The following TP53BP1 variants were observed in gnomAD, a reference collection of about 807,000 sequenced individuals.
TP53BP1 encodes TP53-binding protein 1.
A neutral mutation model predicts 200.8 loss-of-function variants in TP53BP1; 61 were observed. The observed-to-expected ratio is 0.30, with a 90% CI of 0.25 to 0.38. TP53BP1 has a LOEUF of 0.38. Ranked by LOEUF, TP53BP1 falls within the 10% of genes least tolerant of loss-of-function variation. The pLI, the probability that TP53BP1 is intolerant of heterozygous loss-of-function variation, is 1.00. For synonymous variants in TP53BP1, 822 were observed against 844.3 expected (o/e 0.97, Z 0.46); for missense variants, 2,144 against 2,371.9 (o/e 0.90, Z 2.00).
At chr15:43,483,002 A>C (rs2078996220) in intron 4 of TP53BP1, among the ~76,000 whole-genome samples, 1 of 152,196 alleles carries the variant, frequency 6.6e-6, no homozygotes, top group Non-Finnish European at 1.5e-5. Flanking sequence ...CTATCAACCA[A>C]CCAATCAATA....
rs1045644474 is a variant in TP53BP1 at position 43,405,517 on chromosome 15, G to C, written c.*1866C>G. 8 of 418,864 alleles carry C rather than the reference G, an allele frequency of 1.9e-5. No individual in the cohort carries two copies. Among genetic ancestry groups the C allele is most frequent in the Non-Finnish European group, 3.0e-5 (7 of 232,498 alleles). 25.9% of individuals were successfully genotyped at this position (418,864 alleles called of 1,614,324 possible). A position where few individuals can be genotyped will look rare whatever the true frequency, so the allele number is the denominator to read the frequency against. The stretch of plus-strand genomic sequence containing the variant: ...TATTGAGCACCTACTACGTACCTTG[G>C]TACTGTTCAAGCTGTGGGAGATACA... On this transcript the variant is annotated 3_prime_UTR_variant, in exon 28 of 28. Transcript: ENST00000382044.
intron 27 of TP53BP1, 44 bp downstream of exon 27, chr15:43,407,899 G>A (rs1356387478): frequency 6.3e-7 from 1 of 1,584,848 alleles, no homozygotes; most frequent in Non-Finnish European, 8.6e-7. Flanking sequence ...ACAGGTCTAA[G>A]GAGATCCCTG....
In TP53BP1 at chr15:43,446,601, T is replaced by G; in HGVS notation, c.2837-11A>C. 1 of 1,608,992 alleles carries G rather than the reference T, an allele frequency of 6.2e-7. No individual in the cohort carries two copies. Among genetic ancestry groups the G allele is most frequent in the Non-Finnish European group, 8.5e-7 (1 of 1,176,928 alleles). On this transcript the variant is annotated splice_polypyrimidine_tract_variant and intron_variant, in intron 13 of 27. Transcript: ENST00000382044. Reference sequence around the variant, plus strand: ...GATAGTTGCTAATACCTGAAAGAAGTGAGGCAGGGAGGAAGAAAAAAAGAA... The same window carrying G: ...GATAGTTGCTAATACCTGAAAGAAGGGAGGCAGGGAGGAAGAAAAAAAGAA...
intron 11 of TP53BP1, among the ~76,000 whole-genome samples, chr15:43,466,946 G>A (rs2046596064): frequency 6.6e-6 from 1 of 152,138 alleles, no homozygotes; most frequent in Non-Finnish European, 1.5e-5. Flanking sequence ...GGTTATCTTT[G>A]GGTAGGAAGA....
intron 1 of TP53BP1, among the ~76,000 whole-genome samples, chr15:43,499,361 T>A (rs2140173775): frequency 6.6e-6 from 1 of 152,280 alleles, no homozygotes; most frequent in East Asian, 1.9e-4. Flanking sequence ...AACCCCGTGA[T>A]AATGCAACTT....
intron 16 of TP53BP1, among the ~76,000 whole-genome samples, chr15:43,434,114 C>T (rs1406515095): frequency 3.9e-5 from 6 of 152,150 alleles, no homozygotes; most frequent in Admixed American, 3.3e-4. Context: ...TGTGTCCTAT[C>T]TCTCAGGAAC....
At position 43,407,590 on chromosome 15, in the gene TP53BP1, G is replaced by A. The variant is rs779907052; in HGVS notation, c.5747-20C>T. 2.5e-6 allele frequency: 4 copies of A among 1,598,348 alleles called. No homozygotes were observed. Among genetic ancestry groups the A allele is most frequent in the East Asian group, 4.5e-5 (2 of 44,566 alleles). ...CAATATCTGCAAGGAGCAAGGGAAA[G>A]TGAAGAAGGAAAGGACACTCAACTT... On this transcript the variant is annotated intron_variant, in intron 27 of 27. Transcript: ENST00000382044.
intron 14 of TP53BP1, among the ~76,000 whole-genome samples, chr15:43,442,761 G>A (rs527321864): frequency 1.4e-5 from 2 of 147,360 alleles, no homozygotes; most frequent in East Asian, 4.0e-4. Context: ...GGTTCCCAAA[G>A]TGTGCTGGGA....
chr15:43,480,460 A>C (rs2078948042), intron 5 of TP53BP1, among the ~76,000 whole-genome samples: 1 of 152,204 alleles, frequency 6.6e-6, no homozygotes, highest in Non-Finnish European at 1.5e-5. Context: ...AAAAATAAAA[A>C]ATAAATTTAA....
At chr15:43,447,644 G>A (rs776236515) in intron 12 of TP53BP1, among the ~76,000 whole-genome samples, 159 bp from the exon 13 acceptor site, 1 of 151,942 alleles carries the variant, frequency 6.6e-6, no homozygotes, top group Non-Finnish European at 1.5e-5. Context: ...CCCTCACCAG[G>A]CCTCCTGACT....
chr15:43,422,993 C>T (rs1179084018), intron 18 of TP53BP1, among the ~76,000 whole-genome samples: 1 of 150,414 alleles, frequency 6.6e-6, no homozygotes, highest in Non-Finnish European at 1.5e-5. Context: ...GACCCTGTCT[C>T]AACAACAACA....
At chr15:43,483,321 AT>A (rs1461779796) in intron 4 of TP53BP1, among the ~76,000 whole-genome samples, 7 of 152,114 alleles carry the variant, frequency 4.6e-5, no homozygotes, top group African/African-American at 1.7e-4. Flanking sequence ...AACTTTTAAA[AT>A]AAAAAACTTG....
In TP53BP1 at chr15:43,404,648, A is replaced by G. The variant is rs1227055857; in HGVS notation, c.*2735T>C. ...ACTGGAAGAAGACTTTAGTCCAAAT[A>G]CCCTCATTTTATAAGTAAGGCTTAG... On this transcript the variant is annotated 3_prime_UTR_variant, in exon 28 of 28. Transcript: ENST00000382044. 5 of 1,325,894 alleles carry G rather than the reference A, an allele frequency of 3.8e-6. No individual in the cohort carries two copies. The highest frequency in any genetic ancestry group is 5.2e-6 in the Non-Finnish European group (5 of 956,792). 82.1% of individuals were successfully genotyped at this position (1,325,894 alleles called of 1,614,324 possible).
intron 10 of TP53BP1, 79 bp downstream of exon 10, chr15:43,474,594 A>T (rs905534996): frequency 6.5e-6 from 6 of 927,490 alleles, no homozygotes; most frequent in Admixed American, 2.2e-5. Context: ...AAGTACAAAG[A>T]AGTAGTACAT....
At chr15:43,425,286 C>A (rs1057336527) in intron 18 of TP53BP1, among the ~76,000 whole-genome samples, 1 of 152,166 alleles carries the variant, frequency 6.6e-6, no homozygotes, top group Non-Finnish European at 1.5e-5. Context: ...GTCTAAGAGG[C>A]CTGCTGTTTC....
In TP53BP1 at chr15:43,456,692, C is replaced by A. The variant is rs201785039; in HGVS notation, c.1916G>T (p.Arg639Leu). 6 of 1,614,012 alleles carry A rather than the reference C, an allele frequency of 3.7e-6. No homozygotes were observed. Among genetic ancestry groups the A allele is most frequent in the Admixed American group, 3.3e-5 (2 of 60,004 alleles). ...GSQAVPSPAT[R>L]SEALSSVLDQ... ...TAACACACTAGAAAGTGCCTCAGAT[C>A]GAGTAGCTGGTGACGGAACTGCCTG... Residue 639 changes from arginine (R) to leucine (L), a missense_variant, in exon 12 of 28, where the codon CGA becomes CTA. Arg to Leu is a moderately radical substitution (Grantham distance 102). This residue lies in a region of TP53BP1 where 1,700 missense variants were observed against 1,710.3 expected (regional missense o/e 0.99). Transcript: ENST00000382044.
At chr15:43,480,770 T>C in intron 5 of TP53BP1, 125 bp downstream of exon 5, 1 of 1,101,946 alleles carries the variant, frequency 9.1e-7, no homozygotes. Context: ...GCAAATTTCT[T>C]AATGACTCTC....
At chr15:43,475,472 C>A in intron 9 of TP53BP1, 93 bp downstream of exon 9, 6 of 1,449,694 alleles carry the variant, frequency 4.1e-6, no homozygotes, top group South Asian at 4.0e-5. Flanking sequence ...AAAAAGAATT[C>A]TAGACTAGCA....
intron 24 of TP53BP1, 108 bp downstream of exon 24, chr15:43,413,011 C>A: frequency 9.9e-7 from 1 of 1,010,536 alleles, no homozygotes; most frequent in Non-Finnish European, 1.5e-6. Context: ...CCAGTTGCTA[C>A]TTGCCTTGCC....
Sources: gnomAD v4.1 joint callset for allele counts (sites outside exome capture counted in the v4.1 genomes callset) on GRCh38, gnomAD v4.1.1 for gene constraint, gnomAD v4.1.1 regional missense constraint, MANE v1.5 for transcripts, NCBI Gene and HGNC (gene_info 2026-07-23, HGNC 2026-07-21) for gene names.